The following FUT9 variants were observed in gnomAD, a reference collection of about 807,000 sequenced individuals.
The protein encoded by FUT9 is 4-galactosyl-N-acetylglucosaminide 3-alpha-L-fucosyltransferase 9.
A neutral mutation model predicts 29.7 loss-of-function variants in FUT9; 15 were observed. That is an observed-to-expected ratio of 0.51 (90% CI 0.34 to 0.78). The LOEUF (loss-of-function observed/expected upper bound fraction) is 0.78. Among genes scored for constraint, FUT9 ranks in the 30% least tolerant of loss-of-function variants. The probability of loss-of-function intolerance (pLI) is 0.01; values close to 1 mark genes in which losing one functional copy is unlikely to be tolerated. For synonymous variants in FUT9, 169 were observed against 153.7 expected (o/e 1.10, Z -0.74); for missense variants, 319 against 425.4 (o/e 0.75, Z 2.20).
At chr6:96,175,171 A>C (rs1037706285) in intron 2 of FUT9, among the ~76,000 whole-genome samples, 7 of 152,116 alleles carry the variant, frequency 4.6e-5, no homozygotes, top group African/African-American at 1.7e-4. Flanking sequence ...AGCTAAAGGA[A>C]TATCTTGTGG....
chr6:96,083,163 G>T (rs535155324), intron 1 of FUT9, among the ~76,000 whole-genome samples: 51 of 152,066 alleles, frequency 3.4e-4, no homozygotes, highest in African/African-American at 1.2e-3. Flanking sequence ...TAGAAACTTT[G>T]TGTTTTCTTA....
intron 1 of FUT9, among the ~76,000 whole-genome samples, chr6:96,074,758 A>G (rs1384525900): frequency 6.6e-6 from 1 of 152,048 alleles, no homozygotes; most frequent in African/African-American, 2.4e-5. Flanking sequence ...AAGTAATTAG[A>G]TGGTTTTAGT....
chr6:96,169,608 T>C (rs1252685901), intron 2 of FUT9, among the ~76,000 whole-genome samples: 1 of 152,152 alleles, frequency 6.6e-6, no homozygotes, highest in African/African-American at 2.4e-5. Flanking sequence ...ATTGGTGATG[T>C]GTATAATCAT....
chr6:96,132,198 T>C (rs1772258561), intron 2 of FUT9, among the ~76,000 whole-genome samples: 1 of 152,080 alleles, frequency 6.6e-6, no homozygotes, highest in African/African-American at 2.4e-5. Flanking sequence ...TTTTAATAAA[T>C]GCTAATACTT....
intron 2 of FUT9, among the ~76,000 whole-genome samples, chr6:96,115,007 C>A (rs910959653): frequency 6.6e-6 from 1 of 152,178 alleles, no homozygotes; most frequent in Non-Finnish European, 1.5e-5. Flanking sequence ...CTCTCCAGCA[C>A]TTGTTTTGCT....
intron 2 of FUT9, among the ~76,000 whole-genome samples, chr6:96,158,233 C>T (rs1485554827): frequency 6.6e-6 from 1 of 151,974 alleles, no homozygotes; most frequent in African/African-American, 2.4e-5. Flanking sequence ...ATTTTTAAAA[C>T]AAGGTGATGG....
intron 2 of FUT9, among the ~76,000 whole-genome samples, chr6:96,188,273 T>C (rs1435570234): frequency 6.6e-6 from 1 of 151,906 alleles, no homozygotes; most frequent in African/African-American, 2.4e-5. Context: ...TGTATGTATA[T>C]ATATAATTTT....
intron 1 of FUT9, among the ~76,000 whole-genome samples, chr6:96,083,931 T>A (rs914229927): frequency 1.3e-5 from 2 of 152,060 alleles, no homozygotes; most frequent in African/African-American, 4.8e-5. Context: ...GTGTCTTCCT[T>A]GTGTCAAGCA....
chr6:96,188,110 C>T (rs1283663618), intron 2 of FUT9, among the ~76,000 whole-genome samples: 1 of 152,082 alleles, frequency 6.6e-6, no homozygotes, highest in African/African-American at 2.4e-5. Flanking sequence ...AGAAAGAGAA[C>T]AGACAGGGAA....
At chr6:96,078,248 A>G (rs1451166913) in intron 1 of FUT9, among the ~76,000 whole-genome samples, 1 of 151,642 alleles carries the variant, frequency 6.6e-6, no homozygotes, top group African/African-American at 2.4e-5. Flanking sequence ...TTATATTTCC[A>G]TGAGCTTTTT....
intron 2 of FUT9, among the ~76,000 whole-genome samples, chr6:96,148,213 A>T (rs564312317): frequency 6.6e-6 from 1 of 152,294 alleles, no homozygotes; most frequent in Non-Finnish European, 1.5e-5. Context: ...TAAAAATCTA[A>T]GTTCTAGCTG....
At chr6:96,195,674 T>C (rs1773611327) in intron 2 of FUT9, among the ~76,000 whole-genome samples, 1 of 152,224 alleles carries the variant, frequency 6.6e-6, no homozygotes, top group Admixed American at 6.5e-5. Context: ...TGGTGTATAA[T>C]AGCTAAAGCG....
chr6:96,020,107 C>T (rs1260695248), intron 1 of FUT9, among the ~76,000 whole-genome samples: 1 of 152,092 alleles, frequency 6.6e-6, no homozygotes, highest in Admixed American at 6.5e-5. Context: ...CTTTTTCATT[C>T]ACTCCCACCT....
intron 2 of FUT9, among the ~76,000 whole-genome samples, chr6:96,177,501 T>TA (rs544967418): frequency 2.4e-4 from 36 of 152,164 alleles, no homozygotes; most frequent in Admixed American, 7.9e-4. Context: ...ACCTGCTATA[T>TA]AAAAAAACAG....
At position 96,209,001 on chromosome 6, in the gene FUT9, T is replaced by G. The variant is rs1319605940; in HGVS notation, c.*4766T>G. 1 of 166,836 alleles carries G rather than the reference T, an allele frequency of 6.0e-6. No homozygotes were observed. Among genetic ancestry groups the G allele is most frequent in the Non-Finnish European group, 1.5e-5 (1 of 67,978 alleles). The allele number at this position is 166,836 out of a possible 1,614,324, so 10.3% of individuals were successfully genotyped here. A position where few individuals can be genotyped will look rare whatever the true frequency, so the allele number is the denominator to read the frequency against. On this transcript the variant is annotated 3_prime_UTR_variant, in exon 3 of 3. Transcript: ENST00000302103. ...TGTTCTCCCCTTTAGTAATTCATAT[T>G]GAATATATCCATATTCATATGCATT...
intron 1 of FUT9, among the ~76,000 whole-genome samples, chr6:96,096,958 C>CT (rs1409161729): frequency 6.6e-6 from 1 of 151,932 alleles, no homozygotes; most frequent in African/African-American, 2.4e-5. Flanking sequence ...GTTAGAGCAC[C>CT]CAGCACATAT....
At chr6:96,192,991 G>A (rs1244249226) in intron 2 of FUT9, among the ~76,000 whole-genome samples, 130 of 151,948 alleles carry the variant, frequency 8.6e-4, no homozygotes, top group African/African-American at 3.0e-3. Context: ...GGGAAAACTG[G>A]CTAGCCATAT....
At chr6:96,155,242 G>T (rs979590853) in intron 2 of FUT9, among the ~76,000 whole-genome samples, 1 of 152,038 alleles carries the variant, frequency 6.6e-6, no homozygotes, top group Non-Finnish European at 1.5e-5. Flanking sequence ...TAAAAAAAAC[G>T]CTCAGTGTCA....
rs1299855570 is a variant in FUT9, at chr6:96,209,203, T to C, written c.*4968T>C. 6.0e-6 allele frequency: 1 copy of C among 166,894 alleles called. No homozygotes were observed. Among genetic ancestry groups the C allele is most frequent in the African/African-American group, 2.4e-5 (1 of 41,444 alleles). The allele number at this position is 166,894 out of a possible 1,614,324, so 10.3% of individuals were successfully genotyped here. A position where few individuals can be genotyped will look rare whatever the true frequency, so the allele number is the denominator to read the frequency against. On this transcript the variant is annotated 3_prime_UTR_variant, in exon 3 of 3. Coordinates refer to ENST00000302103, the MANE Select transcript of FUT9 (RefSeq NM_006581.4). ...CTCTTATCTAAGATCGAAATTGATA[T>C]ATGCATGAAATTCCTAATGGAATTT... is the stretch of plus-strand genomic sequence containing the variant.
Sources: gnomAD v4.1 joint callset for allele counts (sites outside exome capture counted in the v4.1 genomes callset) on GRCh38, gnomAD v4.1.1 for gene constraint, MANE v1.5 for transcripts, NCBI Gene and HGNC (gene_info 2026-07-23, HGNC 2026-07-21) for gene names.